Variants in RAP1GAP2 observed in about 807,000 individuals in gnomAD.
RAP1GAP2 encodes the protein rap1 GTPase-activating protein 2.
RAP1GAP2 carries 27 observed loss-of-function variants against 95.0 expected under a neutral mutation model. The ratio of observed to expected loss-of-function variants is 0.28; its 90% confidence interval spans 0.21 to 0.39. The LOEUF (loss-of-function observed/expected upper bound fraction) is 0.39. Ranked by LOEUF, RAP1GAP2 falls within the 10% of genes least tolerant of loss-of-function variation. The pLI, the probability that RAP1GAP2 is intolerant of heterozygous loss-of-function variation, is 1.00. For synonymous variants in RAP1GAP2, 373 were observed against 380.9 expected, an observed-to-expected ratio of 0.98 and a Z score of 0.24; for missense variants, 771 against 970.0, an observed-to-expected ratio of 0.79 and a Z score of 2.72.
At chr17:2,756,601 A>C (rs1024976242) in intron 1 of RAP1GAP2, among the ~76,000 whole-genome samples, 1 of 152,308 alleles carries the variant, frequency 6.6e-6, no homozygotes, top group East Asian at 1.9e-4. Flanking sequence ...TCCAAGATTC[A>C]AAAGAGAATG....
At position 2,902,060 on chromosome 17, in the gene RAP1GAP2, CT is replaced by C; in HGVS notation, c.81-3223del. ...CAAGGTGTCAGCAGGGCGACGCTCC[CT>C]CTGCAGGCTCTAGGGAAGAATCCTT... On this transcript the variant is annotated intron_variant, in intron 2 of 24. Coordinates refer to ENST00000254695, the MANE Select transcript of RAP1GAP2 (RefSeq NM_015085.5). The surrounding 1 kb of genome is among the most constrained non-coding windows in gnomAD (Gnocchi z 4.1). Among the ~76,000 whole-genome samples the C allele has an allele frequency of 6.6e-6, 1 of 152,218 alleles. No homozygotes were observed.
chr17:2,997,384 T>G (rs2045996195), intron 13 of RAP1GAP2, among the ~76,000 whole-genome samples: 1 of 152,236 alleles, frequency 6.6e-6, no homozygotes, highest in Non-Finnish European at 1.5e-5. Flanking sequence ...AGGGATTTCA[T>G]GCACAGCAGC....
chr17:2,794,960 C>G (rs1474302861), upstream of RAP1GAP2, among the ~76,000 whole-genome samples: 4 of 148,180 alleles, frequency 2.7e-5, no homozygotes, highest in Non-Finnish European at 5.9e-5. Flanking sequence ...TCACTGCAAC[C>G]TCTGCCTCCC....
At chr17:2,995,522 C>A in intron 13 of RAP1GAP2, 56 bp downstream of exon 13, 1 of 1,606,348 alleles carries the variant, frequency 6.2e-7, no homozygotes, top group Non-Finnish European at 8.5e-7. Context: ...GAGGGCCTGC[C>A]TCTGGTCTGA....
intron 2 of RAP1GAP2, among the ~76,000 whole-genome samples, chr17:2,863,854 C>T (rs774522258): frequency 2.0e-5 from 3 of 152,058 alleles, no homozygotes; most frequent in Non-Finnish European, 4.4e-5. Context: ...GTCGGGAGTT[C>T]GAGACCAGCC....
chr17:3,015,513 C>T (rs2046728729), intron 17 of RAP1GAP2, among the ~76,000 whole-genome samples: 1 of 152,054 alleles, frequency 6.6e-6, no homozygotes, highest in Non-Finnish European at 1.5e-5. Context: ...TGCTGTAGAC[C>T]CAGCTCTTCC....
At chr17:2,901,703 A>T (rs966566335) in intron 2 of RAP1GAP2, among the ~76,000 whole-genome samples, 3 of 151,616 alleles carry the variant, frequency 2.0e-5, no homozygotes, top group Non-Finnish European at 4.4e-5. Context: ...AAAGGGATAA[A>T]ACTGCATCAA....
chr17:2,885,331 A>T (rs982387493), intron 2 of RAP1GAP2, among the ~76,000 whole-genome samples: 26 of 152,114 alleles, frequency 1.7e-4, no homozygotes, highest in Admixed American at 1.4e-3. Flanking sequence ...CGCGCCCGGC[A>T]GATAGACACA....
At chr17:2,757,972 C>G (rs917014567) in intron 1 of RAP1GAP2, among the ~76,000 whole-genome samples, 3 of 151,834 alleles carry the variant, frequency 2.0e-5, no homozygotes, top group African/African-American at 4.8e-5. Flanking sequence ...CGGGTTCACA[C>G]CATTCTCCTG....
At chr17:2,831,000 C>T (rs111779416) in intron 2 of RAP1GAP2, among the ~76,000 whole-genome samples, 2 of 63,824 alleles carry the variant, frequency 3.1e-5, no homozygotes, top group Non-Finnish European at 3.2e-5. Context: ...CTCCACTTCC[C>T]TCCCCTCCCC....
chr17:2,874,843 C>T (rs1473884384), intron 2 of RAP1GAP2, among the ~76,000 whole-genome samples: 4 of 152,264 alleles, frequency 2.6e-5, no homozygotes, highest in East Asian at 3.9e-4. Flanking sequence ...GTTCTGGACC[C>T]GGTGGTCACC....
At position 2,979,047 on chromosome 17, in the gene RAP1GAP2, G is replaced by A. The variant is rs549359060; in HGVS notation, c.597-1240G>A. 2.6e-5 allele frequency among the ~76,000 whole-genome samples: 4 copies of A among 152,044 alleles called. No individual in the cohort carries two copies. In the South Asian group the frequency reaches 8.3e-4, roughly 32 times the overall value. On this transcript the variant is annotated intron_variant, in intron 8 of 24. Coordinates refer to ENST00000254695, the MANE Select transcript of RAP1GAP2 (RefSeq NM_015085.5). ...ATTAAAAATAATATGTCAGAAGTAA[G>A]TGGAGTTTTTACCCATGGAATCAAA... is the stretch of plus-strand genomic sequence containing the variant.
chr17:2,847,789 G>A (rs1028509712), intron 2 of RAP1GAP2, among the ~76,000 whole-genome samples: 1 of 152,038 alleles, frequency 6.6e-6, no homozygotes, highest in Non-Finnish European at 1.5e-5. Flanking sequence ...CTGTGCTGTA[G>A]GCCACCCAGC....
chr17:2,790,698 T>C (rs2068901649), intron 1 of RAP1GAP2, among the ~76,000 whole-genome samples: 1 of 152,228 alleles, frequency 6.6e-6, no homozygotes, highest in Non-Finnish European at 1.5e-5. Context: ...CTCATCCCCA[T>C]GCCTGGGGAA....
In RAP1GAP2 at chr17:2,807,666, T is replaced by C. The variant is rs114158267; in HGVS notation, c.80+7116T>C. Among the ~76,000 whole-genome samples, 586 of 151,992 alleles carry C rather than the reference T, an allele frequency of 3.9e-3. 2 individuals are homozygous for C. The highest frequency in any genetic ancestry group is 0.013 in the African/African-American group (543 of 41,432). ...CGACCCTCACGAAGGCAGTGGGGCG[T>C]GAAGCAGCTTCAGCAGGTGGGACCT... On this transcript the variant is annotated intron_variant, in intron 2 of 24. Coordinates refer to ENST00000254695, the MANE Select transcript of RAP1GAP2 (RefSeq NM_015085.5).
At chr17:2,918,149 G>A (rs1418279962) in intron 3 of RAP1GAP2, among the ~76,000 whole-genome samples, 1 of 151,988 alleles carries the variant, frequency 6.6e-6, no homozygotes, top group Non-Finnish European at 1.5e-5. Flanking sequence ...AAAGAAAGGA[G>A]GTTTGGCCAG....
At chr17:2,777,602 A>G (rs1332634920) in intron 1 of RAP1GAP2, among the ~76,000 whole-genome samples, 1 of 152,158 alleles carries the variant, frequency 6.6e-6, no homozygotes, top group African/African-American at 2.4e-5. Context: ...TGCCAGCACC[A>G]GGTGCTGTGT....
At position 3,037,681 on chromosome 17, in the gene RAP1GAP2, T is replaced by A. The variant is rs2047511093; in HGVS notation, c.*4320T>A. On this transcript the variant is annotated 3_prime_UTR_variant, in exon 25 of 25. Transcript: ENST00000254695. ...AAATTCTAAAAGGTTGACAAATGTA[T>A]ATTTTGTTGCTTAAATGTGTCTTTG... 6.6e-6 allele frequency: 1 copy of A among 152,540 alleles called. No homozygotes were observed. The highest frequency in any genetic ancestry group is 2.4e-5 in the African/African-American group (1 of 41,414). 9.4% of individuals were successfully genotyped at this position (152,540 alleles called of 1,614,324 possible).
rs577830541 is a variant in RAP1GAP2, at chr17:2,798,261, C to G, written c.44+1690C>G. ...TCCCAGACGCCCTTGTGTGCTGGCTCAGTGTCCACTAGGCTGTGGGTTCCA... is the reference window on the plus strand; with the variant it reads ...TCCCAGACGCCCTTGTGTGCTGGCTGAGTGTCCACTAGGCTGTGGGTTCCA... On this transcript the variant is annotated intron_variant, in intron 1 of 24. Transcript: ENST00000254695. Among the ~76,000 whole-genome samples, 11 of 152,298 alleles carry G rather than the reference C, an allele frequency of 7.2e-5. No homozygotes were observed. In the East Asian group the frequency reaches 2.1e-3, roughly 29 times the overall value.
Sources: allele counts gnomAD v4.1 joint callset (sites outside exome capture counted in the v4.1 genomes callset), GRCh38; gene constraint gnomAD v4.1.1; non-coding constraint Gnocchi (gnomAD v3.1); transcripts MANE v1.5; gene names NCBI Gene and HGNC (gene_info 2026-07-23, HGNC 2026-07-21).